Variants in PCDHA1 observed in about 807,000 individuals in gnomAD.
PCDHA1 encodes the protein protocadherin alpha-1.
Under a neutral mutation model 61.3 loss-of-function variants are expected in PCDHA1, and 42 were observed. That is an observed-to-expected ratio of 0.69 (90% confidence interval 0.54 to 0.89). The LOEUF (loss-of-function observed/expected upper bound fraction) is 0.89, where lower values mean the gene tolerates loss of function less well. PCDHA1 is among the 40% of genes least tolerant of loss of function. The pLI is 0.00. For missense variants in PCDHA1, 1,256 were observed against 1,235.3 expected, an observed-to-expected ratio of 1.02 and a Z score of -0.25; for synonymous variants, 610 against 553.8, an observed-to-expected ratio of 1.10 and a Z score of -1.43.
chr5:140,975,216 G>A (rs1349439819), intron 1 of PCDHA1, among the ~76,000 whole-genome samples: 1 of 152,198 alleles, frequency 6.6e-6, no homozygotes, highest in Non-Finnish European at 1.5e-5. Context: ...TGGCACTGGA[G>A]AATCTTCCCT....
At chr5:140,842,942 G>A in intron 1 of PCDHA1, 1 of 1,594,648 alleles carries the variant, frequency 6.3e-7, no homozygotes, top group Non-Finnish European at 8.6e-7. Flanking sequence ...GCGCGACGCG[G>A]GCGTGCCGCC....
chr5:140,861,736 A>G (rs1380894393), intron 1 of PCDHA1: 2 of 188,606 alleles, frequency 1.1e-5, no homozygotes, highest in Non-Finnish European at 1.1e-5. Context: ...TGACTTACAT[A>G]CTGTGCCGCA....
intron 1 of PCDHA1, chr5:140,812,085 A>G (rs2150028709): frequency 6.7e-6 from 1 of 149,976 alleles, no homozygotes; most frequent in Admixed American, 6.7e-5. Flanking sequence ...GAAAACAATT[A>G]TCATTGATTC....
At chr5:140,821,883 G>C in intron 1 of PCDHA1, 1 of 1,614,120 alleles carries the variant, frequency 6.2e-7, no homozygotes, top group East Asian at 2.2e-5. Flanking sequence ...CGATCCCGGA[G>C]GAAGCCAAAC....
At chr5:141,007,613 T>C (rs1351675120) in intron 3 of PCDHA1, among the ~76,000 whole-genome samples, 1 of 152,056 alleles carries the variant, frequency 6.6e-6, no homozygotes, top group Non-Finnish European at 1.5e-5. Context: ...GAAGCAGATA[T>C]AGGAGAGGTC....
intron 1 of PCDHA1, among the ~76,000 whole-genome samples, chr5:140,885,102 G>A (rs2060467065): frequency 6.6e-6 from 1 of 151,970 alleles, no homozygotes; most frequent in Non-Finnish European, 1.5e-5. Flanking sequence ...TCACATAAAT[G>A]CTTTTTTTAA....
At chr5:140,802,984 C>G in intron 1 of PCDHA1, 2 of 1,614,030 alleles carry the variant, frequency 1.2e-6, no homozygotes, top group Non-Finnish European at 1.7e-6. Context: ...AAGGTGCGCG[C>G]AGTGGATGCA....
intron 1 of PCDHA1, chr5:140,835,164 G>A: frequency 8.8e-6 from 13 of 1,477,492 alleles, no homozygotes; most frequent in Non-Finnish European, 1.2e-5. Context: ...CGGAACGCTG[G>A]TGATTCACCC....
chr5:140,796,208 G>C (rs782813610), intron 1 of PCDHA1: 1 of 1,614,192 alleles, frequency 6.2e-7, no homozygotes, highest in South Asian at 1.1e-5. Flanking sequence ...GCCCTGGACC[G>C]CGAGAGCGTG....
chr5:140,791,227 A>G (rs1326709321), intron 1 of PCDHA1, among the ~76,000 whole-genome samples: 3 of 152,244 alleles, frequency 2.0e-5, no homozygotes, highest in Non-Finnish European at 4.4e-5. Context: ...ATTTTGAGGT[A>G]GCACGATTGT....
At chr5:140,926,925 G>A (rs1554203816) in intron 1 of PCDHA1, 1 of 1,574,118 alleles carries the variant, frequency 6.4e-7, no homozygotes, top group Admixed American at 1.8e-5. Flanking sequence ...TTTTATGTTT[G>A]TGGGTTTCCT....
At chr5:140,952,955 A>G (rs1244776708) in intron 1 of PCDHA1, among the ~76,000 whole-genome samples, 1 of 152,044 alleles carries the variant, frequency 6.6e-6, no homozygotes, top group Non-Finnish European at 1.5e-5. Context: ...AGAAGGGGGA[A>G]GTGATACACA....
intron 1 of PCDHA1, among the ~76,000 whole-genome samples, chr5:140,933,324 G>A (rs563163291): frequency 5.3e-5 from 8 of 151,904 alleles, no homozygotes; most frequent in Non-Finnish European, 1.2e-4. Context: ...GTATTCTCCT[G>A]TGCTGTAGAG....
chr5:140,986,373 G>A (rs376031401), intron 3 of PCDHA1, among the ~76,000 whole-genome samples: 26 of 152,280 alleles, frequency 1.7e-4, no homozygotes, highest in South Asian at 4.1e-4. Context: ...TGCGTTTTGG[G>A]GGGAGGGACA....
chr5:140,925,124 A>AGGAAGGAAGG (rs1554202565), intron 1 of PCDHA1, among the ~76,000 whole-genome samples: 1 of 151,854 alleles, frequency 6.6e-6, no homozygotes. Flanking sequence ...GAAGGAAGGA[A>AGGAAGGAAGG]AAAAAATTTC....
intron 1 of PCDHA1, among the ~76,000 whole-genome samples, chr5:140,955,351 A>G (rs246019): frequency 0.56 from 85,599 of 151,868 alleles, 24,746 homozygotes; most frequent in African/African-American, 0.69. Flanking sequence ...ACATGTTGTG[A>G]GAGGGACCCA....
chr5:140,830,399 A>T (rs2150186054), intron 1 of PCDHA1: 1 of 1,593,324 alleles, frequency 6.3e-7, no homozygotes, highest in Non-Finnish European at 8.6e-7. Flanking sequence ...GATGGATCTC[A>T]TGGCCTTTAG....
At position 140,881,209 on chromosome 5, in the gene PCDHA1, G is replaced by C. The variant is rs74494049; in HGVS notation, c.2394+92525G>C. The C allele has an allele frequency of 3.6e-3, 703 of 194,982 alleles. 1 individual carries two copies. The highest frequency in any genetic ancestry group is 0.016 in the African/African-American group (679 of 42,430). 12.1% of individuals were successfully genotyped at this position (194,982 alleles called of 1,614,324 possible). On this transcript the variant is annotated intron_variant, in intron 1 of 3. Transcript: ENST00000504120. Reference sequence around the variant, plus strand: ...GATATGTTAACATCTTTGTCTAGCTGTTGTTTCTTGGAAAATTAAAGTCAA... The same window carrying C: ...GATATGTTAACATCTTTGTCTAGCTCTTGTTTCTTGGAAAATTAAAGTCAA...
At chr5:140,880,620 A>C (rs2058397773) in intron 1 of PCDHA1, among the ~76,000 whole-genome samples, 1 of 152,170 alleles carries the variant, frequency 6.6e-6, no homozygotes, top group Non-Finnish European at 1.5e-5. Context: ...AAGAGGGAGG[A>C]GTTAATTATC....
Sources: gnomAD v4.1 joint callset for allele counts (sites outside exome capture counted in the v4.1 genomes callset) on GRCh38, gnomAD v4.1.1 for gene constraint, MANE v1.5 for transcripts, NCBI Gene and HGNC (gene_info 2026-07-23, HGNC 2026-07-21) for gene names.